The following TRAM1 variants were observed in gnomAD, a reference collection of about 807,000 sequenced individuals.
TRAM1 encodes the protein translocation associated membrane protein 1.
A neutral mutation model predicts 48.7 loss-of-function variants in TRAM1; 17 were observed. The ratio of observed to expected loss-of-function variants is 0.35; its 90% confidence interval spans 0.24 to 0.52. The LOEUF is 0.52. TRAM1 is among the 20% of genes least tolerant of loss of function. TRAM1 has a pLI of 0.94. For synonymous variants in TRAM1, 182 were observed against 154.0 expected (o/e 1.18, Z -1.34); for missense variants, 351 against 441.5 (o/e 0.79, Z 1.84).
intron 4 of TRAM1, among the ~76,000 whole-genome samples, chr8:70,597,668 C>CAAAAAAAAAA (rs35449323): frequency 2.8e-5 from 1 of 35,982 alleles, no homozygotes. Flanking sequence ...GACTCTGTCT[C>CAAAAAAAAAA]AAAAAAAAAA....
rs3735937 is a variant in TRAM1 at position 70,583,638 on chromosome 8, A to C, written c.890+12T>G. Reference sequence around the variant, plus strand: ...GCTGTATAAAGTGAAAAAAATGTTAAATTGATCGTACCTAACAGCTAACAC... The same window carrying C: ...GCTGTATAAAGTGAAAAAAATGTTACATTGATCGTACCTAACAGCTAACAC... On this transcript the variant is annotated intron_variant, in intron 9 of 10. Transcript: ENST00000262213. 2.4e-5 allele frequency: 38 copies of C among 1,603,934 alleles called. No individual in the cohort carries two copies. In the East Asian group the frequency reaches 8.0e-4, roughly 34 times the overall value.
chr8:70,592,301 C>T (rs1387400788), intron 6 of TRAM1, among the ~76,000 whole-genome samples: 20 of 152,112 alleles, frequency 1.3e-4, no homozygotes. Context: ...AACAGCGTTC[C>T]TTTCTTTCCT....
At chr8:70,606,871 AT>A (rs1817731379) in intron 1 of TRAM1, 3 of 983,006 alleles carry the variant, frequency 3.1e-6, no homozygotes, top group Admixed American at 6.2e-5. Context: ...AAGAAAATGT[AT>A]TCACCTTTTG....
chr8:70,586,874 T>G (rs61412217), intron 8 of TRAM1, 21 bp downstream of exon 8: 1 of 1,596,412 alleles, frequency 6.3e-7, no homozygotes, highest in South Asian at 1.1e-5. Context: ...ACACGAGAAA[T>G]AGAATGGCTA....
At chr8:70,597,206 G>A (rs1817506928) in intron 4 of TRAM1, among the ~76,000 whole-genome samples, 1 of 152,290 alleles carries the variant, frequency 6.6e-6, no homozygotes, top group Non-Finnish European at 1.5e-5. Flanking sequence ...TTTCTCATTA[G>A]TTAGAGTGAT....
chr8:70,592,969 A>G (rs1206643394), intron 6 of TRAM1, among the ~76,000 whole-genome samples: 12 of 152,198 alleles, frequency 7.9e-5, no homozygotes, highest in Admixed American at 7.9e-4. Flanking sequence ...TGGACAGTAC[A>G]GCTCCACAAT....
intron 1 of TRAM1, among the ~76,000 whole-genome samples, chr8:70,605,085 C>A (rs1396344056): frequency 6.6e-6 from 1 of 152,156 alleles, no homozygotes; most frequent in African/African-American, 2.4e-5. Context: ...ACTTTGTTAG[C>A]CTTTTCAGTA....
At chr8:70,586,548 C>T (rs1216363711) in intron 8 of TRAM1, among the ~76,000 whole-genome samples, 2 of 152,132 alleles carry the variant, frequency 1.3e-5, no homozygotes, top group African/African-American at 4.8e-5. Flanking sequence ...TTTTAGTTAT[C>T]TATAAGGCTA....
intron 10 of TRAM1, among the ~76,000 whole-genome samples, chr8:70,581,367 C>T (rs1011585515): frequency 5.3e-5 from 8 of 152,114 alleles, no homozygotes; most frequent in African/African-American, 9.7e-5. Flanking sequence ...GCATAAGAAT[C>T]GACATACGAA....
At chr8:70,576,095 A>C (rs1209903325) in intron 10 of TRAM1, among the ~76,000 whole-genome samples, 1 of 148,890 alleles carries the variant, frequency 6.7e-6, no homozygotes, top group Non-Finnish European at 1.5e-5. Context: ...AAAAAAAAAA[A>C]CCACACAAAA....
intron 8 of TRAM1, among the ~76,000 whole-genome samples, chr8:70,584,795 G>A (rs1196877701): frequency 2.0e-5 from 3 of 151,952 alleles, no homozygotes; most frequent in African/African-American, 7.3e-5. Context: ...CAAACAAATG[G>A]AAGAACATTC....
rs1329301423 is a variant in TRAM1 at position 70,583,640 on chromosome 8, T to C, written c.890+10A>G. ...TGTATAAAGTGAAAAAAATGTTAAA[T>C]TGATCGTACCTAACAGCTAACACAT... On this transcript the variant is annotated intron_variant, in intron 9 of 10. Coordinates refer to ENST00000262213, the MANE Select transcript of TRAM1 (RefSeq NM_014294.6). The C allele has an allele frequency of 1.2e-6, 2 of 1,603,982 alleles. No homozygotes were observed. Among genetic ancestry groups the C allele is most frequent in the South Asian group, 1.1e-5 (1 of 88,530 alleles).
rs1041808375 is a variant in TRAM1, at chr8:70,603,303, T to TATACACACACACAC, written c.124-3222_124-3221insGTGTGTGTGTGTAT. 2.0e-3 allele frequency among the ~76,000 whole-genome samples: 299 copies of TATACACACACACAC among 150,056 alleles called. 1 individual carries two copies. The highest frequency in any genetic ancestry group is 2.8e-3 in the Non-Finnish European group (188 of 67,560). Reference sequence around the variant, plus strand: ...ATATACACACTATATATATGTTTTATACACACACACACACACACACACACA... The same window carrying TATACACACACACAC: ...ATATACACACTATATATATGTTTTATATACACACACACACACACACACACACACACACACACACA... On this transcript the variant is annotated intron_variant, in intron 1 of 10. Coordinates refer to ENST00000262213, the MANE Select transcript of TRAM1 (RefSeq NM_014294.6).
intron 10 of TRAM1, among the ~76,000 whole-genome samples, chr8:70,579,221 T>C (rs939879967): frequency 1.3e-5 from 2 of 152,234 alleles, no homozygotes; most frequent in Non-Finnish European, 2.9e-5. Flanking sequence ...CTATATGGTA[T>C]AGCCTATTGC....
intron 10 of TRAM1, among the ~76,000 whole-genome samples, chr8:70,579,990 G>C (rs1357920217): frequency 2.0e-5 from 3 of 152,166 alleles, no homozygotes; most frequent in African/African-American, 7.2e-5. Flanking sequence ...GTAACAAATA[G>C]TTAAAACTGT....
intron 5 of TRAM1, 89 bp from the exon 6 acceptor site, chr8:70,594,679 A>C (rs1403841373): frequency 1.7e-5 from 17 of 998,548 alleles, no homozygotes; most frequent in African/African-American, 1.7e-5. Flanking sequence ...GGATATACTA[A>C]GTAACTACCT....
intron 8 of TRAM1, among the ~76,000 whole-genome samples, chr8:70,586,182 C>G (rs1298829609): frequency 6.8e-6 from 1 of 147,326 alleles, no homozygotes; most frequent in African/African-American, 2.5e-5. Context: ...GACAAAAAAC[C>G]AAACACTGCA....
intron 10 of TRAM1, among the ~76,000 whole-genome samples, chr8:70,580,627 C>T (rs1184046228): frequency 6.6e-6 from 1 of 151,978 alleles, no homozygotes; most frequent in Admixed American, 6.6e-5. Flanking sequence ...GATGCCTACC[C>T]CTAAGATCAA....
rs561323278 is a variant in TRAM1 at position 70,587,135 on chromosome 8, G to T, written c.612C>A (p.Leu204=). 2.5e-5 allele frequency: 40 copies of T among 1,613,980 alleles called. No homozygotes were observed. The highest frequency in any genetic ancestry group is 1.9e-4 in the South Asian group (17 of 91,078). Residue 204 remains leucine (L), a synonymous_variant, in exon 7 of 11, where the codon CTC becomes CTA. Coordinates refer to ENST00000262213, the MANE Select transcript of TRAM1 (RefSeq NM_014294.6). Reference sequence around the variant, plus strand: ...AAAGGTAAGCTCCAGCAATGTGGAAGAGGTAAAGACCAATGTAGACAAGCT... The same window carrying T: ...AAAGGTAAGCTCCAGCAATGTGGAATAGGTAAAGACCAATGTAGACAAGCT... ...PRQLVYIGLY[L]FHIAGAYLLN... is the part of the protein sequence containing the mutation.
Sources: allele counts gnomAD v4.1 joint callset (sites outside exome capture counted in the v4.1 genomes callset), GRCh38; gene constraint gnomAD v4.1.1; transcripts MANE v1.5; gene names NCBI Gene and HGNC (gene_info 2026-07-23, HGNC 2026-07-21).